The following ZNF74 variants were observed in gnomAD, a reference collection of about 807,000 sequenced individuals.
ZNF74 encodes zinc finger protein 520.
ZNF74 carries 12 observed loss-of-function variants against 17.7 expected under a neutral mutation model. That is an observed-to-expected ratio of 0.68 (90% CI 0.43 to 1.10). ZNF74 has a LOEUF of 1.10. Ranked by LOEUF, ZNF74 falls within the 50% of genes least tolerant of loss-of-function variation. The probability of loss-of-function intolerance (pLI) is 0.00; values close to 1 mark genes in which losing one functional copy is unlikely to be tolerated. For synonymous variants in ZNF74, 358 were observed against 362.1 expected (o/e 0.99, Z 0.13); for missense variants, 811 against 881.0 (o/e 0.92, Z 1.01).
Position 20,407,010 on chromosome 22 carries a change from C to T in ZNF74, c.*42C>T. On this transcript the variant is annotated 3_prime_UTR_variant, in exon 5 of 5. Transcript: ENST00000400451. ...GTCAGTAGCTGCTTTCTGAGCTACT[C>T]AACAAGGAAAGCACCCTGGTCCTCC... The T allele has an allele frequency of 6.4e-7, 1 of 1,559,580 alleles. No homozygotes were observed. The highest frequency in any genetic ancestry group is 8.7e-7 in the Non-Finnish European group (1 of 1,153,104).
Position 20,405,694 on chromosome 22 carries a change from G to C in ZNF74, c.661G>C (p.Glu221Gln), listed in dbSNP as rs1464225083. Residue 221 changes from glutamate (E) to glutamine (Q), a missense_variant, in exon 5 of 5, where the codon GAA becomes CAA. Around this residue, in one of 3 missense-constraint regions of ZNF74, gnomAD observed 666 missense variants for 702.3 expected, o/e 0.95. Coordinates refer to ENST00000400451, the MANE Select transcript of ZNF74 (RefSeq NM_003426.4). ...TKAPARLCAG[E>Q]NASTPSEPEK... Reference sequence around the variant, plus strand: ...GGCCCCCGCGAGACTGTGTGCAGGGGAAAACGCCTCCACGCCAAGTGAGCC... The same window carrying C: ...GGCCCCCGCGAGACTGTGTGCAGGGCAAAACGCCTCCACGCCAAGTGAGCC... 10 of 1,607,278 alleles carry C rather than the reference G, an allele frequency of 6.2e-6. 1 individual carries two copies. The highest frequency in any genetic ancestry group is 8.5e-7 in the Non-Finnish European group (1 of 1,177,120).
chr22:20,405,545 T>C lies in ZNF74; in HGVS notation c.512T>C (p.Val171Ala), dbSNP rs17851036. Residue 171 changes from valine (V) to alanine (A), a missense_variant, in exon 5 of 5, where the codon GTC becomes GCC. Val to Ala is a moderately conservative substitution (Grantham distance 64). Transcript: ENST00000400451. ...CCCTGGGCGCCCGCACCTGCCATGGTCTGGGACGTCCCTGTAGAGGAATTC... is the reference window on the plus strand; with the variant it reads ...CCCTGGGCGCCCGCACCTGCCATGGCCTGGGACGTCCCTGTAGAGGAATTC... ...AAPWAPAPAMVWDVPVEEFPL... is the reference protein window; with the variant it reads ...AAPWAPAPAMAWDVPVEEFPL... 6.2e-7 allele frequency: 1 copy of C among 1,607,804 alleles called. No individual in the cohort carries two copies. The highest frequency in any genetic ancestry group is 8.5e-7 in the Non-Finnish European group (1 of 1,176,718).
chr22:20,405,885 C>A lies in ZNF74; in HGVS notation c.852C>A (p.Ala284=). ...ACAAGTGCGATGAATGCGGCAAGGCCTTCACCTGGAGCACCAACCTTCTGG... is the reference window on the plus strand; with the variant it reads ...ACAAGTGCGATGAATGCGGCAAGGCATTCACCTGGAGCACCAACCTTCTGG... ...KAYKCDECGK[A]FTWSTNLLEH... Residue 284 remains alanine (A), a synonymous_variant, in exon 5 of 5, where the codon GCC becomes GCA. Coordinates refer to ENST00000400451, the MANE Select transcript of ZNF74 (RefSeq NM_003426.4). 6.2e-7 allele frequency: 1 copy of A among 1,613,802 alleles called. No individual in the cohort carries two copies. Among genetic ancestry groups the A allele is most frequent in the Non-Finnish European group, 8.5e-7 (1 of 1,179,922 alleles).
chr22:20,406,321 C>A lies in ZNF74; in HGVS notation c.1288C>A (p.Arg430Ser). 1 of 1,612,000 alleles carries A rather than the reference C, an allele frequency of 6.2e-7. No individual in the cohort carries two copies. Among genetic ancestry groups the A allele is most frequent in the Admixed American group, 1.7e-5 (1 of 59,970 alleles). ...CGAGAAGGCCTTCAACAGCCGCTCG[C>A]GCCTCACCCTCCACCAGAGGACGCA... ...DCEKAFNSRS[R>S]LTLHQRTHTG... Residue 430 changes from arginine to serine, a missense_variant, in exon 5 of 5, where the codon CGC (arginine) becomes AGC (serine). This residue lies in a region of ZNF74 where 666 missense variants were observed against 702.3 expected (regional missense o/e 0.95). Coordinates refer to ENST00000400451, the MANE Select transcript of ZNF74 (RefSeq NM_003426.4).
rs2052441902 is a variant in ZNF74 at position 20,407,146 on chromosome 22, C to T, written c.*178C>T. The T allele has an allele frequency of 1.1e-6, 1 of 928,562 alleles. No individual in the cohort carries two copies. The highest frequency in any genetic ancestry group is 2.7e-5 in the East Asian group (1 of 37,412). The allele number at this position is 928,562 out of a possible 1,614,324, so 57.5% of individuals were successfully genotyped here. On this transcript the variant is annotated 3_prime_UTR_variant, in exon 5 of 5. Transcript: ENST00000400451. ...CTCTAGTTAAAGTCAGTCACCTCCC[C>T]AGAAGGGCCACACTCCAGGAGGAGT...
Position 20,394,270 on chromosome 22 carries a change from G to A in ZNF74, c.-359G>A, listed in dbSNP as rs2052264447. 2.8e-6 allele frequency: 2 copies of A among 706,412 alleles called. No individual in the cohort carries two copies. The highest frequency in any genetic ancestry group is 1.8e-5 in the African/African-American group (1 of 56,630). 43.8% of individuals were successfully genotyped at this position (706,412 alleles called of 1,614,324 possible). A position where few individuals can be genotyped will look rare whatever the true frequency, so the allele number is the denominator to read the frequency against. ...TGTCCGCTTCGGGACCTGTCCGCTG[G>A]TCGCTCCGCGTCCGATGGCTCCTGG... On this transcript the variant is annotated 5_prime_UTR_variant, in exon 1 of 5. Transcript: ENST00000400451.
chr22:20,400,842 C>T lies in ZNF74; in HGVS notation c.247+84C>T, dbSNP rs55651125. 5.1e-3 allele frequency: 7,667 copies of T among 1,496,296 alleles called. 263 individuals are homozygous for T. The African/African-American group carries it at 0.081, about 16-fold the overall frequency. 92.7% of individuals were successfully genotyped at this position (1,496,296 alleles called of 1,614,324 possible). A position where few individuals can be genotyped will look rare whatever the true frequency, so the allele number is the denominator to read the frequency against. The stretch of plus-strand genomic sequence containing the variant: ...ATATTAAGGAGAATCCCTTCAGTGC[C>T]GGCCCTGGTGCCAGATATATCATGG... On this transcript the variant is annotated intron_variant, in intron 3 of 4. Transcript: ENST00000400451.
rs1193305016 is a variant in ZNF74, at chr22:20,401,820, C to T, written c.343+448C>T. Among the ~76,000 whole-genome samples, 2 of 152,066 alleles carry T rather than the reference C, an allele frequency of 1.3e-5. No individual in the cohort carries two copies. The highest frequency in any genetic ancestry group is 4.8e-5 in the African/African-American group (2 of 41,398). ...TCAGGGCCAGCGTGAGCATCAGCAT[C>T]AGGGCCAGTGTGAGCATCAGTGTCA... On this transcript the variant is annotated intron_variant, in intron 4 of 4. Transcript: ENST00000400451. The surrounding 1 kb of genome is among the most constrained non-coding windows in gnomAD (Gnocchi z 4.2).
intron 2 of ZNF74, 78 bp downstream of exon 2, chr22:20,395,496 C>A: frequency 8.9e-7 from 1 of 1,121,882 alleles, no homozygotes. Context: ...GTCAGCCTTC[C>A]ACAGACCTTC....
In ZNF74 at chr22:20,400,751, T is replaced by G. The variant is rs762470833; in HGVS notation, c.240T>G (p.Leu80=). The G allele has an allele frequency of 6.8e-6, 11 of 1,613,960 alleles. No individual in the cohort carries two copies. The South Asian group carries it at 1.2e-4, about 18-fold the overall frequency. ...DVMLENYQNL[L]ALGPPLHKPD... ...TGTTGGAGAACTACCAGAACCTTCT[T>G]GCCCTAGGTAAAATCCCCCCAGCCC... Residue 80 remains leucine, a synonymous_variant, in exon 3 of 5, where the codon CTT becomes CTG. Coordinates refer to ENST00000400451, the MANE Select transcript of ZNF74 (RefSeq NM_003426.4).
chr22:20,394,182 C>T lies in ZNF74; in HGVS notation c.-447C>T, dbSNP rs1349646581. 11 of 641,592 alleles carry T rather than the reference C, an allele frequency of 1.7e-5. No homozygotes were observed. Among genetic ancestry groups the T allele is most frequent in the Admixed American group, 2.4e-5 (1 of 41,294 alleles). 39.7% of individuals were successfully genotyped at this position (641,592 alleles called of 1,614,324 possible). A position where few individuals can be genotyped will look rare whatever the true frequency, so the allele number is the denominator to read the frequency against. On this transcript the variant is annotated 5_prime_UTR_variant, in exon 1 of 5. Coordinates refer to ENST00000400451, the MANE Select transcript of ZNF74 (RefSeq NM_003426.4). ...GCCGCCTGCTGCTCTTTGTGGCAGTCGCAGTCCTTTTGTGGGAGTCCGGTC... is the reference window on the plus strand; with the variant it reads ...GCCGCCTGCTGCTCTTTGTGGCAGTTGCAGTCCTTTTGTGGGAGTCCGGTC...
intron 2 of ZNF74, among the ~76,000 whole-genome samples, chr22:20,398,352 G>C (rs2052320116): frequency 6.8e-6 from 1 of 147,472 alleles, no homozygotes; most frequent in African/African-American, 2.5e-5. Context: ...CTCTCTCGGA[G>C]TTACCAAGCA....
chr22:20,396,863 T>G (rs2146089902), intron 2 of ZNF74, among the ~76,000 whole-genome samples: 1 of 152,208 alleles, frequency 6.6e-6, no homozygotes, highest in Non-Finnish European at 1.5e-5. Context: ...ACTGTCTGGG[T>G]TTTTTATTCC....
intron 2 of ZNF74, 60 bp from the exon 3 acceptor site, chr22:20,400,572 G>C: frequency 6.2e-7 from 1 of 1,609,670 alleles, no homozygotes; most frequent in Middle Eastern, 1.7e-4. Flanking sequence ...TCAATCTCTG[G>C]CTCCTTTGGA....
chr22:20,406,372 G>T lies in ZNF74; in HGVS notation c.1339G>T (p.Ala447Ser). ...THTGEKPFKC[A>S]DCGKGFSCHA... ...CACGGGCGAGAAGCCCTTCAAGTGC[G>T]CCGACTGCGGGAAGGGCTTCAGCTG... The change falls in exon 5 of 5, where the codon GCC becomes TCC. Residue 447 changes from alanine (A) to serine (S), a missense_variant. Ala to Ser is a moderately conservative substitution (Grantham distance 99). Around this residue, in one of 3 missense-constraint regions of ZNF74, gnomAD observed 666 missense variants for 702.3 expected, o/e 0.95. Coordinates refer to ENST00000400451, the MANE Select transcript of ZNF74 (RefSeq NM_003426.4). The T allele has an allele frequency of 6.2e-7, 1 of 1,613,094 alleles. No homozygotes were observed. The highest frequency in any genetic ancestry group is 1.7e-5 in the Admixed American group (1 of 59,976).
chr22:20,395,274 G>C, intron 1 of ZNF74, 59 bp from the exon 2 acceptor site: 3 of 1,367,572 alleles, frequency 2.2e-6, no homozygotes, highest in Non-Finnish European at 3.1e-6. Context: ...CGACAGGTGG[G>C]CTTTAAGCTC....
In ZNF74 at chr22:20,405,704, C is replaced by G; in HGVS notation, c.671C>G (p.Ser224Cys). Residue 224 changes from serine (S) to cysteine (C), a missense_variant, in exon 5 of 5, where the codon TCC (serine) becomes TGC (cysteine). Ser to Cys is a moderately radical substitution (Grantham distance 112, BLOSUM62 -1). Coordinates refer to ENST00000400451, the MANE Select transcript of ZNF74 (RefSeq NM_003426.4). ...PARLCAGENA[S>C]TPSEPEKFPQ... ...AGACTGTGTGCAGGGGAAAACGCCT[C>G]CACGCCAAGTGAGCCAGAAAAGTTC... The G allele has an allele frequency of 6.2e-7, 1 of 1,605,162 alleles. No individual in the cohort carries two copies. Among genetic ancestry groups the G allele is most frequent in the Non-Finnish European group, 8.5e-7 (1 of 1,176,084 alleles).
chr22:20,399,679 T>C, intron 2 of ZNF74: 1 of 297,250 alleles, frequency 3.4e-6, no homozygotes, highest in Non-Finnish European at 6.5e-6. Flanking sequence ...CAAGCAATTC[T>C]CCTGACCTCA....
At chr22:20,405,282 T>A (rs2052400775) in intron 4 of ZNF74, 95 bp from the exon 5 acceptor site, 1 of 1,373,092 alleles carries the variant, frequency 7.3e-7, no homozygotes, top group African/African-American at 1.5e-5. Context: ...TCCTCTCTTT[T>A]CTGGGCTTAT....
Sources: allele counts gnomAD v4.1 joint callset (sites outside exome capture counted in the v4.1 genomes callset), GRCh38; gene constraint gnomAD v4.1.1; regional missense constraint gnomAD v4.1.1; non-coding constraint Gnocchi (gnomAD v3.1); transcripts MANE v1.5; gene names NCBI Gene and HGNC (gene_info 2026-07-23, HGNC 2026-07-21).